The following CYB5B variants were observed in gnomAD, a reference collection of about 807,000 sequenced individuals.
CYB5B encodes the protein cytochrome b5 type B (outer mitochondrial membrane).
In CYB5B, 14 loss-of-function variants were observed where a neutral mutation model predicts 21.3. That is an observed-to-expected ratio of 0.66 (90% CI 0.43 to 1.03). CYB5B has a LOEUF of 1.03. Among genes scored for constraint, CYB5B ranks in the 50% least tolerant of loss-of-function variants. CYB5B has a pLI of 0.00. For missense variants in CYB5B, 166 were observed against 185.1 expected (o/e 0.90, Z 0.60); for synonymous variants, 69 against 68.4 (o/e 1.01, Z -0.04).
At position 69,443,919 on chromosome 16, in the gene CYB5B, T is replaced by G. The variant is rs116510289; in HGVS notation, c.175-3231T>G. ...AGGGTCAGTGGAAATAGGACCTTGG[T>G]TGCAACAATGCCTGAGTATGTCAAT... On this transcript the variant is annotated intron_variant, in intron 1 of 4. Transcript: ENST00000307892. 2.7e-3 allele frequency: 415 copies of G among 154,520 alleles called. 2 individuals carry two copies. The highest frequency in any genetic ancestry group is 9.6e-3 in the African/African-American group (398 of 41,598). 9.6% of individuals were successfully genotyped at this position (154,520 alleles called of 1,614,324 possible).
intron 1 of CYB5B, among the ~76,000 whole-genome samples, chr16:69,440,201 T>C (rs534973619): frequency 6.6e-6 from 1 of 152,342 alleles, no homozygotes; most frequent in East Asian, 1.9e-4. Flanking sequence ...AAGTGTACAA[T>C]TCAATTGTTT....
chr16:69,460,332 TC>T (rs1164007646), intron 4 of CYB5B, among the ~76,000 whole-genome samples: 1 of 152,086 alleles, frequency 6.6e-6, no homozygotes, highest in Non-Finnish European at 1.5e-5. Context: ...TATAAAGAAT[TC>T]CTACAAATCA....
intron 1 of CYB5B, among the ~76,000 whole-genome samples, chr16:69,434,862 CAAA>C (rs569014074): frequency 5.1e-5 from 6 of 116,640 alleles, no homozygotes; most frequent in Admixed American, 9.4e-5. Context: ...GACTTCATCT[CAAA>C]AAAAAAAAAA....
Position 69,447,133 on chromosome 16 carries a change from A to G in CYB5B, c.175-17A>G. 6.2e-7 allele frequency: 1 copy of G among 1,612,782 alleles called. No individual in the cohort carries two copies. The highest frequency in any genetic ancestry group is 8.5e-7 in the Non-Finnish European group (1 of 1,179,302). On this transcript the variant is annotated splice_polypyrimidine_tract_variant and intron_variant, in intron 1 of 4. Transcript: ENST00000307892. ...TTTCAGAGAACCCTCGGTTCAGTAAATATCTTTTCCTTGTAGCACCCTGGA... is the reference window on the plus strand; with the variant it reads ...TTTCAGAGAACCCTCGGTTCAGTAAGTATCTTTTCCTTGTAGCACCCTGGA...
At chr16:69,443,283 T>A (rs947306089) in intron 1 of CYB5B, 1 of 153,658 alleles carries the variant, frequency 6.5e-6, no homozygotes, top group African/African-American at 2.4e-5. Flanking sequence ...CCTTTGCCCA[T>A]GAGCTCTTTG....
At chr16:69,460,999 C>A (rs1333990989) in intron 4 of CYB5B, among the ~76,000 whole-genome samples, 1 of 152,084 alleles carries the variant, frequency 6.6e-6, no homozygotes, top group Non-Finnish European at 1.5e-5. Context: ...TGGTGTCAAC[C>A]ATTCTCAGTC....
chr16:69,442,411 AT>A (rs1398217275), intron 1 of CYB5B, among the ~76,000 whole-genome samples: 3 of 152,100 alleles, frequency 2.0e-5, no homozygotes, highest in Admixed American at 6.6e-5. Flanking sequence ...CACACACTGC[AT>A]TTTTTCTAGT....
intron 3 of CYB5B, among the ~76,000 whole-genome samples, chr16:69,451,175 T>A (rs2014927459): frequency 6.6e-6 from 1 of 152,232 alleles, no homozygotes; most frequent in Non-Finnish European, 1.5e-5. Flanking sequence ...TTTGTGAATC[T>A]CTTCCTTGCT....
At chr16:69,438,537 AT>A (rs34840532) in intron 1 of CYB5B, among the ~76,000 whole-genome samples, 64,389 of 147,730 alleles carry the variant, frequency 0.44, 14,939 homozygotes, top group African/African-American at 0.62. Context: ...CCATTTTTCG[AT>A]TTTTTTTTTT....
At chr16:69,460,779 G>A (rs942120010) in intron 4 of CYB5B, among the ~76,000 whole-genome samples, 2 of 152,066 alleles carry the variant, frequency 1.3e-5, no homozygotes, top group African/African-American at 4.8e-5. Flanking sequence ...CTAATAAATT[G>A]TGGTATATTC....
intron 1 of CYB5B, among the ~76,000 whole-genome samples, chr16:69,427,921 G>C (rs246139): frequency 6.6e-6 from 1 of 151,068 alleles, no homozygotes; most frequent in South Asian, 2.1e-4. Context: ...GCTTGAACCC[G>C]GGAGGTGGAG....
intron 1 of CYB5B, among the ~76,000 whole-genome samples, chr16:69,426,309 G>A (rs528522225): frequency 1.3e-4 from 19 of 151,628 alleles, no homozygotes; most frequent in African/African-American, 4.4e-4. Context: ...TGAGGCAGGA[G>A]AATGGCGTGA....
chr16:69,426,355 C>T (rs1490672727), intron 1 of CYB5B, among the ~76,000 whole-genome samples: 5 of 147,064 alleles, frequency 3.4e-5, no homozygotes, highest in African/African-American at 7.6e-5. Flanking sequence ...GCCTAGATTG[C>T]GCCACTGCAG....
intron 1 of CYB5B, among the ~76,000 whole-genome samples, chr16:69,445,246 T>C (rs887166215): frequency 6.6e-6 from 1 of 152,190 alleles, no homozygotes; most frequent in Non-Finnish European, 1.5e-5. Context: ...GAGTTTCAGA[T>C]ATAATAACAA....
intron 1 of CYB5B, among the ~76,000 whole-genome samples, chr16:69,426,950 A>G (rs185376171): frequency 1.8e-4 from 27 of 152,266 alleles, no homozygotes; most frequent in Admixed American, 1.8e-3. Context: ...TAGAAAATCA[A>G]GTTTTTTGGC....
chr16:69,459,176 C>G (rs2015009942), intron 4 of CYB5B, 55 bp downstream of exon 4: 4 of 1,575,770 alleles, frequency 2.5e-6, no homozygotes, highest in Non-Finnish European at 3.4e-6. Context: ...TGGCAAGAGA[C>G]TCTTCCATAA....
rs573428939 is a variant in CYB5B at position 69,464,873 on chromosome 16, T to C, written c.*2353T>C. 6.5e-6 allele frequency: 1 copy of C among 152,768 alleles called. No individual in the cohort carries two copies. Among genetic ancestry groups the C allele is most frequent in the Admixed American group, 6.5e-5 (1 of 15,300 alleles). 9.5% of individuals were successfully genotyped at this position (152,768 alleles called of 1,614,324 possible). On this transcript the variant is annotated 3_prime_UTR_variant, in exon 5 of 5. Coordinates refer to ENST00000307892, the MANE Select transcript of CYB5B (RefSeq NM_030579.3). ...AGGGCTTCTTCTGAACTACTGCCGA[T>C]GTGATGTCACTTTGTATCTGGAAAA...
chr16:69,455,501 G>A (rs1055844078), intron 3 of CYB5B, among the ~76,000 whole-genome samples: 6 of 149,250 alleles, frequency 4.0e-5, no homozygotes, highest in South Asian at 2.1e-4. Flanking sequence ...TCTGCCTCCC[G>A]GGTTCAAGCG....
chr16:69,458,199 T>A (rs1227065402), intron 3 of CYB5B, among the ~76,000 whole-genome samples: 1 of 152,090 alleles, frequency 6.6e-6, no homozygotes, highest in East Asian at 1.9e-4. Context: ...AAATCAATGG[T>A]TTTTAGTGTA....
Sources: gnomAD v4.1 joint callset for allele counts (sites outside exome capture counted in the v4.1 genomes callset) on GRCh38, gnomAD v4.1.1 for gene constraint, MANE v1.5 for transcripts, NCBI Gene and HGNC (gene_info 2026-07-23, HGNC 2026-07-21) for gene names.